CLEC4A: variants seen among roughly 807,000 people sequenced by gnomAD.
The protein encoded by CLEC4A is C-type lectin domain family 4 member A.
A neutral mutation model predicts 32.7 loss-of-function variants in CLEC4A; 27 were observed. The ratio of observed to expected loss-of-function variants is 0.83; its 90% CI spans 0.61 to 1.14. CLEC4A has a LOEUF of 1.14. Among genes scored for constraint, CLEC4A ranks in the 50% most tolerant of loss-of-function variants. The pLI, the probability that CLEC4A is intolerant of heterozygous loss-of-function variation, is 0.00. For missense variants in CLEC4A, 253 were observed against 274.6 expected, an observed-to-expected ratio of 0.92 and a Z score of 0.55; for synonymous variants, 89 against 93.7, an observed-to-expected ratio of 0.95 and a Z score of 0.29.
At chr12:8,128,193 G>C (rs1947933506) in intron 2 of CLEC4A, among the ~76,000 whole-genome samples, 1 of 152,056 alleles carries the variant, frequency 6.6e-6, no homozygotes. Context: ...AGAAAGGTAA[G>C]ACAAAAACAA....
In CLEC4A at chr12:8,138,442, GATTC is replaced by G; in HGVS notation, c.*157_*160del. On this transcript the variant is annotated 3_prime_UTR_variant, in exon 6 of 6. Transcript: ENST00000229332. ...GAGAGAATTGGTCTGTACATTGACT[GATTC>G]ACTTTTTCATAAAGTGAGCATTTAT... The G allele has an allele frequency of 2.3e-6, 2 of 880,900 alleles. No homozygotes were observed. Among genetic ancestry groups the G allele is most frequent in the Non-Finnish European group, 1.7e-6 (1 of 589,202 alleles). The allele number at this position is 880,900 out of a possible 1,614,324, so 54.6% of individuals were successfully genotyped here.
At position 8,134,928 on chromosome 12, in the gene CLEC4A, A is replaced by G. The variant is rs181987113; in HGVS notation, c.299-657A>G. The G allele has an allele frequency of 1.0e-5, 12 of 1,199,164 alleles. No homozygotes were observed. The Admixed American group carries it at 3.6e-4, about 36-fold the overall frequency. The allele number at this position is 1,199,164 out of a possible 1,614,324, so 74.3% of individuals were successfully genotyped here. A position where few individuals can be genotyped will look rare whatever the true frequency, so the allele number is the denominator to read the frequency against. On this transcript the variant is annotated intron_variant, in intron 3 of 5. Coordinates refer to ENST00000229332, the MANE Select transcript of CLEC4A (RefSeq NM_016184.4). ...TTCTAGTTCTTTGCTGAAACTTTCT[A>G]GTTTTTCATTTGTTTCAAGCATGTC...
At chr12:8,116,502 T>C in the CLEC4A span, among the ~76,000 whole-genome samples, 1 of 152,198 alleles carries the variant, frequency 6.6e-6, no homozygotes, top group Non-Finnish European at 1.5e-5. Context: ...ATTAAATGTA[T>C]GATCATCTAC....
chr12:8,134,121 G>C, intron 3 of CLEC4A: 1 of 1,599,804 alleles, frequency 6.3e-7, no homozygotes, highest in Non-Finnish European at 8.5e-7. Flanking sequence ...AAATTCTCCA[G>C]GTTGCCTCTC....
chr12:8,115,555 A>C, the CLEC4A span, among the ~76,000 whole-genome samples: 80 of 152,266 alleles, frequency 5.3e-4, 1 homozygote, highest in African/African-American at 1.8e-3. Context: ...GGATATCATC[A>C]ATGGAGTGAA....
At chr12:8,135,069 T>TTTTTTTTTTTTTA (rs1948089265) in intron 3 of CLEC4A, among the ~76,000 whole-genome samples, 2 of 124,238 alleles carry the variant, frequency 1.6e-5, no homozygotes, top group East Asian at 2.3e-4. Flanking sequence ...TTTTTTTTTT[T>TTTTTTTTTTTTTA]GAGACAGGTT....
At chr12:8,112,168 A>G in the CLEC4A span, among the ~76,000 whole-genome samples, 1 of 152,016 alleles carries the variant, frequency 6.6e-6, no homozygotes, top group Non-Finnish European at 1.5e-5. Flanking sequence ...GGGTTTCTCC[A>G]TGTTGGTCAG....
intron 3 of CLEC4A, among the ~76,000 whole-genome samples, chr12:8,131,988 C>G (rs972467120): frequency 6.6e-6 from 1 of 152,098 alleles, no homozygotes; most frequent in Admixed American, 6.5e-5. Flanking sequence ...CTGATGCTCT[C>G]CCTCCCCGGC....
chr12:8,125,747 A>G (rs186029661), intron 2 of CLEC4A, 70 bp downstream of exon 2: 17 of 896,512 alleles, frequency 1.9e-5, no homozygotes, highest in African/African-American at 1.2e-4. Flanking sequence ...TTAAAAACTG[A>G]CTTTTGAAAA....
At chr12:8,119,900 C>A (rs1184102663), upstream of CLEC4A, among the ~76,000 whole-genome samples, 1 of 152,032 alleles carries the variant, frequency 6.6e-6, no homozygotes, top group Non-Finnish European at 1.5e-5. Flanking sequence ...TCCCATGATC[C>A]CTTCAGGTTT....
chr12:8,116,429 T>C, the CLEC4A span, among the ~76,000 whole-genome samples: 1 of 152,088 alleles, frequency 6.6e-6, no homozygotes, highest in Non-Finnish European at 1.5e-5. Context: ...AAGGGCCGAG[T>C]ACTGTATTGA....
At chr12:8,134,255 A>G in intron 3 of CLEC4A, 1 of 1,612,544 alleles carries the variant, frequency 6.2e-7, no homozygotes, top group South Asian at 1.1e-5. Flanking sequence ...CAAGGGCCGC[A>G]GCTCACACAT....
rs750356261 is a variant in CLEC4A, at chr12:8,125,609, A to G, written c.131A>G (p.Lys44Arg). The change falls in exon 2 of 6, where the codon AAG (lysine) becomes AGG (arginine). Residue 44 changes from lysine to arginine, a missense_variant. Physicochemically the swap from Lys to Arg is conservative, Grantham distance 26. Transcript: ENST00000229332. ...CACAAAAGTAATACCGGATTCCCCAAGCTGCTTTGTGCCTCACTGTTGATA... is the reference window on the plus strand; with the variant it reads ...CACAAAAGTAATACCGGATTCCCCAGGCTGCTTTGTGCCTCACTGTTGATA... Reference protein sequence around the residue: ...APHKSNTGFPKLLCASLLIFF... With the variant: ...APHKSNTGFPRLLCASLLIFF... The G allele has an allele frequency of 2.5e-6, 4 of 1,613,566 alleles. No homozygotes were observed. Among genetic ancestry groups the G allele is most frequent in the Admixed American group, 1.7e-5 (1 of 59,998 alleles).
intron 2 of CLEC4A, among the ~76,000 whole-genome samples, 198 bp from the exon 3 acceptor site, chr12:8,129,066 G>C (rs1947948943): frequency 6.6e-6 from 1 of 152,068 alleles, no homozygotes; most frequent in Non-Finnish European, 1.5e-5. Context: ...TGATGGAACT[G>C]TTGTGTCCTC....
the CLEC4A span, among the ~76,000 whole-genome samples, chr12:8,108,795 C>A: frequency 6.6e-6 from 1 of 152,020 alleles, no homozygotes; most frequent in East Asian, 1.9e-4. Context: ...CATGTTCTGC[C>A]CCATCAATCT....
intron 3 of CLEC4A, chr12:8,134,096 G>A (rs1446600080): frequency 6.3e-7 from 1 of 1,589,064 alleles, no homozygotes; most frequent in Admixed American, 1.8e-5. Context: ...TGTGGGTTTC[G>A]GGCACCGCAG....
the CLEC4A span, among the ~76,000 whole-genome samples, chr12:8,107,860 G>A: frequency 1.4e-5 from 2 of 146,744 alleles, no homozygotes; most frequent in Admixed American, 6.8e-5. Flanking sequence ...TTGATCTTTT[G>A]TATGGCTTTT....
intron 1 of CLEC4A, among the ~76,000 whole-genome samples, chr12:8,124,191 C>T (rs1289941236): frequency 2.0e-5 from 3 of 152,192 alleles, no homozygotes; most frequent in Non-Finnish European, 4.4e-5. Context: ...ACTCTGCTTA[C>T]TGAAACAGAG....
In CLEC4A at chr12:8,133,930, T is replaced by TC. The variant is rs774185227; in HGVS notation, c.299-1650dup. 652 of 1,604,810 alleles carry TC rather than the reference T, an allele frequency of 4.1e-4. 3 individuals carry two copies. The African/African-American group carries it at 8.0e-3, about 20-fold the overall frequency. On this transcript the variant is annotated intron_variant, in intron 3 of 5. Transcript: ENST00000229332. ...CTGGGGCCAGAGGAAAGGACACTGG[T>TC]CCCCCTGAGAAAGGAGACCCAACAG...
Sources: allele counts gnomAD v4.1 joint callset (sites outside exome capture counted in the v4.1 genomes callset), GRCh38; gene constraint gnomAD v4.1.1; transcripts MANE v1.5; gene names NCBI Gene and HGNC (gene_info 2026-07-23, HGNC 2026-07-21).